DMD: variants seen among roughly 807,000 people sequenced by gnomAD.
DMD encodes dystrophin.
In DMD, 63 loss-of-function variants were observed where a neutral mutation model predicts 330.1. The ratio of observed to expected loss-of-function variants is 0.19; its 90% CI spans 0.16 to 0.24. The LOEUF is 0.24. Ranked by LOEUF, DMD falls within the 10% of genes least tolerant of loss-of-function variation. The probability of loss-of-function intolerance (pLI) is 1.00; values close to 1 mark genes in which losing one functional copy is unlikely to be tolerated. For missense variants in DMD, 3,344 were observed against 2,684.1 expected (o/e 1.25, Z -5.43); for synonymous variants, 1,223 against 959.8 (o/e 1.27, Z -5.07).
intron 41 of DMD, among the ~76,000 whole-genome samples, chrX:32,341,009 GCAACATACTTCC>G (rs2097738935): frequency 8.9e-6 from 1 of 111,822 alleles, no homozygotes; most frequent in African/African-American, 3.2e-5. Context: ...ACAATAATAT[GCAACATACTTCC>G]CTTATATGCT....
chrX:32,604,448 A>G (rs1251372492), intron 12 of DMD, among the ~76,000 whole-genome samples: 1 of 109,659 alleles, frequency 9.1e-6, no homozygotes, highest in Non-Finnish European at 1.9e-5. Flanking sequence ...ACATCATACT[A>G]AACAGGAACA....
chrX:32,730,835 T>G (rs2067507636), intron 7 of DMD, among the ~76,000 whole-genome samples: 1 of 110,649 alleles, frequency 9.0e-6, no homozygotes, highest in South Asian at 3.7e-4. Context: ...AGAAAAAGAG[T>G]AGGAATAGAG....
chrX:32,845,402 CCAA>C (rs2080564787), intron 3 of DMD, among the ~76,000 whole-genome samples: 4 of 112,030 alleles, frequency 3.6e-5, no homozygotes, highest in Admixed American at 9.5e-5. Flanking sequence ...AATTTTTAAA[CCAA>C]CATCTGCATA....
At position 32,418,972 on chromosome X, in the gene DMD, C is replaced by CAAAAAAAAAAAAAAAAAAAAAAAAA. The variant is rs1160282195; in HGVS notation, c.4072-7084_4072-7060dup. ...TGGGTGACAGAGTGAGACTCTGTCTCAAAAAAAAAAAAAAAAAAAAAAAAA... is the reference window on the plus strand; with the variant it reads ...TGGGTGACAGAGTGAGACTCTGTCTCAAAAAAAAAAAAAAAAAAAAAAAAAAAAAAAAAAAAAAAAAAAAAAAAAA... On this transcript the variant is annotated intron_variant, in intron 29 of 78. Transcript: ENST00000357033. 1.7e-3 allele frequency among the ~76,000 whole-genome samples: 23 copies of CAAAAAAAAAAAAAAAAAAAAAAAAA among 13,508 alleles called. 2 individuals carry two copies. The highest frequency in any genetic ancestry group is 2.7e-3 in the Non-Finnish European group (18 of 6,717). 11.7% of individuals were successfully genotyped at this position (13,508 alleles called of 115,157 possible). A position where few individuals can be genotyped will look rare whatever the true frequency, so the allele number is the denominator to read the frequency against.
At chrX:32,759,185 G>A (rs953015164) in intron 7 of DMD, among the ~76,000 whole-genome samples, 5 of 111,498 alleles carry the variant, frequency 4.5e-5, no homozygotes, top group Non-Finnish European at 9.4e-5. Context: ...TTTTACTTCA[G>A]ACCTATTGAA....
intron 9 of DMD, among the ~76,000 whole-genome samples, chrX:32,662,465 C>G (rs113338164): frequency 1.3e-3 from 150 of 111,853 alleles, no homozygotes; most frequent in African/African-American, 4.3e-3. Context: ...TCCTACCTAT[C>G]AAGCTTTTCA....
At chrX:32,340,391 T>G (rs2097735770) in intron 41 of DMD, among the ~76,000 whole-genome samples, 2 of 111,736 alleles carry the variant, frequency 1.8e-5, no homozygotes, top group Admixed American at 1.9e-4. Context: ...TTTTTAAAAA[T>G]ATATACTGGT....
chrX:32,900,240 T>C (rs1323968729), intron 2 of DMD, among the ~76,000 whole-genome samples: 1 of 111,856 alleles, frequency 8.9e-6, no homozygotes, highest in Non-Finnish European at 1.9e-5. Context: ...TTGGTATGAA[T>C]AGGAATAATA....
chrX:32,625,028 G>A (rs1359852442), intron 11 of DMD, among the ~76,000 whole-genome samples: 11 of 111,716 alleles, frequency 9.8e-5, no homozygotes, highest in South Asian at 3.8e-4. Flanking sequence ...AAAATTAGCC[G>A]GGAGTGGTGG....
In DMD at chrX:32,083,688, T is replaced by C. The variant is rs747884629; in HGVS notation, c.6439-115174A>G. Among the ~76,000 whole-genome samples, 39 of 112,703 alleles carry C rather than the reference T, an allele frequency of 3.5e-4. No individual in the cohort carries two copies. The South Asian group carries it at 0.013, about 37-fold the overall frequency. On this transcript the variant is annotated intron_variant, in intron 44 of 78. Coordinates refer to ENST00000357033, the MANE Select transcript of DMD (RefSeq NM_004006.3). ...AGGGAAGTGCCACAAAACAATTCAA[T>C]ACACTACTGGATTCTTTGAACCAAA...
chrX:31,291,372 A>T (rs1054789184), intron 62 of DMD, among the ~76,000 whole-genome samples: 3 of 111,889 alleles, frequency 2.7e-5, no homozygotes, highest in Non-Finnish European at 3.8e-5. Context: ...TTGCATGACA[A>T]TAACTTTCCG....
At chrX:32,045,399 A>G (rs2096057340) in intron 44 of DMD, among the ~76,000 whole-genome samples, 1 of 96,899 alleles carries the variant, frequency 1.0e-5, no homozygotes, top group Non-Finnish European at 2.0e-5. Flanking sequence ...TGCTCTGGCC[A>G]TGTGACATGC....
intron 50 of DMD, among the ~76,000 whole-genome samples, chrX:31,802,370 G>A (rs1009298740): frequency 9.0e-6 from 1 of 110,967 alleles, no homozygotes; most frequent in Non-Finnish European, 1.9e-5. Context: ...GTGAAAGGTG[G>A]GACTATTAGT....
chrX:31,207,381 C>T (rs896301254), intron 65 of DMD, among the ~76,000 whole-genome samples: 4 of 76,180 alleles, frequency 5.3e-5, no homozygotes, highest in African/African-American at 7.7e-5. Context: ...AAGCATTTCA[C>T]ATAACAAATT....
chrX:32,348,634 G>T, intron 37 of DMD, 106 bp from the exon 38 acceptor site: 2 of 713,345 alleles, frequency 2.8e-6, no homozygotes, highest in Admixed American at 6.5e-5. Flanking sequence ...CTAATCACAT[G>T]CATTATGTTT....
At chrX:32,781,360 A>G (rs1391390507) in intron 7 of DMD, among the ~76,000 whole-genome samples, 1 of 111,578 alleles carries the variant, frequency 9.0e-6, no homozygotes, top group African/African-American at 3.3e-5. Context: ...CAATGATACA[A>G]TCAAAGTGAA....
At chrX:32,357,698 CAG>C (rs1361966688) in intron 37 of DMD, among the ~76,000 whole-genome samples, 4 of 98,619 alleles carry the variant, frequency 4.1e-5, no homozygotes, top group Non-Finnish European at 6.3e-5. Context: ...CACACACACA[CAG>C]AGCACATCAA....
intron 44 of DMD, among the ~76,000 whole-genome samples, chrX:32,021,358 G>A (rs2095804601): frequency 9.0e-6 from 1 of 111,703 alleles, no homozygotes; most frequent in African/African-American, 3.3e-5. Context: ...TACAAATACA[G>A]GTGTTGAACA....
intron 44 of DMD, among the ~76,000 whole-genome samples, chrX:32,050,987 T>TTTTTTTTTTTTTTTTA (rs1491256522): frequency 1.0e-5 from 1 of 99,259 alleles, no homozygotes; most frequent in African/African-American, 3.9e-5. Context: ...TTTTTTTTTT[T>TTTTTTTTTTTTTTTTA]CCCCCTAATA....
Sources: allele counts gnomAD v4.1 joint callset (sites outside exome capture counted in the v4.1 genomes callset), GRCh38; gene constraint gnomAD v4.1.1; transcripts MANE v1.5; gene names NCBI Gene and HGNC (gene_info 2026-07-23, HGNC 2026-07-21).